BRWD3: variants seen among roughly 807,000 people sequenced by gnomAD.
The protein encoded by BRWD3 is bromodomain and WD repeat domain containing 3, also known as bromodomain and WD repeat-containing protein 3.
In BRWD3, 10 loss-of-function variants were observed where a neutral mutation model predicts 149.7. The ratio of observed to expected loss-of-function variants is 0.07; its 90% CI spans 0.04 to 0.11. The LOEUF (loss-of-function observed/expected upper bound fraction) is 0.11. Among genes scored for constraint, BRWD3 ranks in the 10% least tolerant of loss-of-function variants. The pLI, the probability that BRWD3 is intolerant of heterozygous loss-of-function variation, is 1.00. For missense variants in BRWD3, 940 were observed against 1,373.2 expected (o/e 0.68, Z 4.99); for synonymous variants, 504 against 456.7 (o/e 1.10, Z -1.32).
intron 6 of BRWD3, among the ~76,000 whole-genome samples, chrX:80,762,341 G>C (rs187176323): frequency 1.8e-3 from 203 of 111,801 alleles, no homozygotes; most frequent in African/African-American, 6.1e-3. Flanking sequence ...GTTTTCCTAA[G>C]TCCTAAAAGC....
intron 25 of BRWD3, among the ~76,000 whole-genome samples, chrX:80,699,367 A>C (rs1330724574): frequency 3.6e-5 from 4 of 110,974 alleles, no homozygotes; most frequent in South Asian, 7.6e-4. Flanking sequence ...ACACACATAA[A>C]CCTAGGTAGA....
At chrX:80,688,361 G>A (rs190411349) in intron 33 of BRWD3, among the ~76,000 whole-genome samples, 15 of 111,201 alleles carry the variant, frequency 1.3e-4, no homozygotes, top group Non-Finnish European at 5.7e-5. Flanking sequence ...AACAAGAATC[G>A]GAAAGGAGGG....
Position 80,744,043 on chromosome X carries a change from T to C in BRWD3, c.802A>G (p.Thr268Ala). Residue 268 changes from threonine to alanine, a missense_variant, in exon 8 of 41, where the codon ACT becomes GCT. By Grantham distance (58) the Thr-to-Ala change is moderately conservative. Around this residue, in one of 6 missense-constraint regions of BRWD3, gnomAD observed 209 missense variants for 396.8 expected, o/e 0.53. Transcript: ENST00000373275. ...AVLQGHSASI[T>A]SIQFCPSTKG... is the part of the protein sequence containing the mutation. ...ATCACTTTTCTTACCTGTATGGAAG[T>C]AATAGAAGCTGAATGGCCCTGAAGG... 8.3e-7 allele frequency: 1 copy of C among 1,207,935 alleles called. No individual in the cohort carries two copies. Among genetic ancestry groups the C allele is most frequent in the Non-Finnish European group, 1.1e-6 (1 of 892,304 alleles).
At position 80,742,717 on chromosome X, in the gene BRWD3, G is replaced by A. The variant is rs1231470836; in HGVS notation, c.813+1315C>T. Among the ~76,000 whole-genome samples the A allele has an allele frequency of 3.6e-5, 4 of 110,965 alleles. No homozygotes were observed. In the East Asian group the frequency reaches 8.5e-4, roughly 24 times the overall value. The stretch of plus-strand genomic sequence containing the variant: ...TCTGTTTGTCTGTTATTGGTGTATA[G>A]GAATGCTTGATTTCTGCACATTGAT... On this transcript the variant is annotated intron_variant, in intron 8 of 40. Transcript: ENST00000373275.
At chrX:80,779,008 C>T (rs2074028867) in intron 6 of BRWD3, among the ~76,000 whole-genome samples, 1 of 110,092 alleles carries the variant, frequency 9.1e-6, no homozygotes, top group Non-Finnish European at 1.9e-5. Context: ...CAAAAACAAA[C>T]AATTTAATTA....
chrX:80,691,722 T>G, intron 30 of BRWD3, 101 bp downstream of exon 30: 1 of 1,003,620 alleles, frequency 1.0e-6, no homozygotes, highest in South Asian at 2.0e-5. Context: ...AAAACTGAAG[T>G]GTACAGTGAG....
chrX:80,728,271 C>T, intron 14 of BRWD3, among the ~76,000 whole-genome samples: 1 of 111,615 alleles, frequency 9.0e-6, no homozygotes, highest in Non-Finnish European at 1.9e-5. Flanking sequence ...TGCTATTAAT[C>T]CTTTCAACTT....
In BRWD3 at chrX:80,690,023, G is replaced by A. The variant is rs1394619034; in HGVS notation, c.3672C>T (p.Asp1224=). 5.8e-6 allele frequency: 7 copies of A among 1,206,548 alleles called. No individual in the cohort carries two copies. The highest frequency in any genetic ancestry group is 2.2e-5 in the Admixed American group (1 of 45,887). ...TTTTAGCTGCTTTAACTATAGGACTGTCTGGCTCATTGAAAGTCCTGGCAT... is the reference window on the plus strand; with the variant it reads ...TTTTAGCTGCTTTAACTATAGGACTATCTGGCTCATTGAAAGTCCTGGCAT... The part of the protein sequence containing the change: ...EHNARTFNEP[D]SPIVKAAKIV... Residue 1224 remains aspartate (D), a synonymous_variant, in exon 32 of 41, where the codon GAC becomes GAT. Coordinates refer to ENST00000373275, the MANE Select transcript of BRWD3 (RefSeq NM_153252.5).
chrX:80,745,886 G>C (rs1439639106), intron 6 of BRWD3, among the ~76,000 whole-genome samples, 157 bp from the exon 7 acceptor site: 1 of 110,840 alleles, frequency 9.0e-6, no homozygotes, highest in Non-Finnish European at 1.9e-5. Flanking sequence ...ATGATTTTAT[G>C]AACTCCAGTT....
chrX:80,690,423 A>G (rs2072595794), intron 31 of BRWD3, among the ~76,000 whole-genome samples: 1 of 111,460 alleles, frequency 9.0e-6, no homozygotes, highest in Admixed American at 9.6e-5. Context: ...AGCAAGAAAA[A>G]AAAACAGATT....
At chrX:80,703,331 C>A in intron 24 of BRWD3, 149 bp downstream of exon 24, 1 of 416,893 alleles carries the variant, frequency 2.4e-6, no homozygotes, top group Non-Finnish European at 4.2e-6. Flanking sequence ...CTGTTCAGTC[C>A]CCTTCCACAA....
At chrX:80,729,410 T>C (rs2073295037) in intron 13 of BRWD3, among the ~76,000 whole-genome samples, 1 of 111,347 alleles carries the variant, frequency 9.0e-6, no homozygotes, top group African/African-American at 3.3e-5. Context: ...TTCAGGACCA[T>C]ACCCTAAAGA....
At chrX:80,739,403 T>C (rs886512094) in intron 8 of BRWD3, among the ~76,000 whole-genome samples, 6 of 111,489 alleles carry the variant, frequency 5.4e-5, no homozygotes, top group African/African-American at 9.8e-5. Context: ...GCCAAGAAGA[T>C]AGTTGCATAA....
At chrX:80,707,280 ATCACATCAGGTCTCTCGGCTTCC>A in intron 22 of BRWD3, 124 bp downstream of exon 22, 1 of 514,089 alleles carries the variant, frequency 1.9e-6, no homozygotes, top group Non-Finnish European at 3.3e-6. Flanking sequence ...GAGAGCCAGG[ATCACATCAGGTCTCTCGGCTTCC>A]AGCCAATACC....
chrX:80,743,887 C>T (rs2073555107), intron 8 of BRWD3, 145 bp downstream of exon 8: 4 of 400,552 alleles, frequency 1.0e-5, no homozygotes, highest in Non-Finnish European at 1.7e-5. Context: ...AAAAAAATAT[C>T]TTGCTGCAGG....
intron 8 of BRWD3, 48 bp from the exon 9 acceptor site, chrX:80,736,136 C>A (rs1185156006): frequency 5.2e-6 from 4 of 765,729 alleles, no homozygotes; most frequent in Non-Finnish European, 7.7e-6. Flanking sequence ...TCATGTTCAG[C>A]CTAACATCAA....
chrX:80,808,330 A>G (rs1211568555), intron 4 of BRWD3, among the ~76,000 whole-genome samples: 1 of 108,982 alleles, frequency 9.2e-6, no homozygotes, highest in Non-Finnish European at 1.9e-5. Flanking sequence ...ACATTCTTCA[A>G]AGTTTTCGGG....
chrX:80,768,086 G>A (rs2073887481), intron 6 of BRWD3, among the ~76,000 whole-genome samples: 1 of 111,834 alleles, frequency 8.9e-6, no homozygotes, highest in African/African-American at 3.3e-5. Flanking sequence ...TATGTGAAAA[G>A]ACCAAATCTA....
At chrX:80,710,703 C>T in intron 20 of BRWD3, 1 of 788,643 alleles carries the variant, frequency 1.3e-6, no homozygotes, top group African/African-American at 2.1e-5. Flanking sequence ...ACCAATGGAA[C>T]ATTAAGTGAT....
Sources: allele counts gnomAD v4.1 joint callset (sites outside exome capture counted in the v4.1 genomes callset), GRCh38; gene constraint gnomAD v4.1.1; regional missense constraint gnomAD v4.1.1; transcripts MANE v1.5; gene names NCBI Gene and HGNC (gene_info 2026-07-23, HGNC 2026-07-21).